STAG1: variants seen among roughly 807,000 people sequenced by gnomAD.
STAG1 encodes cohesin subunit SA-1.
Under a neutral mutation model 170.9 loss-of-function variants are expected in STAG1, and 26 were observed. The ratio of observed to expected loss-of-function variants is 0.15; its 90% confidence interval spans 0.11 to 0.21. The LOEUF (loss-of-function observed/expected upper bound fraction) is 0.21, where lower values mean the gene tolerates loss of function less well. STAG1 is among the 10% of genes least tolerant of loss of function. The probability of loss-of-function intolerance (pLI) is 1.00; values close to 1 mark genes in which losing one functional copy is unlikely to be tolerated. For synonymous variants in STAG1, 514 were observed against 497.7 expected (o/e 1.03, Z -0.44); for missense variants, 964 against 1,509.5 (o/e 0.64, Z 5.99).
intron 9 of STAG1, among the ~76,000 whole-genome samples, chr3:136,489,697 T>A (rs549230055): frequency 6.6e-6 from 1 of 152,298 alleles, no homozygotes; most frequent in Non-Finnish European, 1.5e-5. Flanking sequence ...AATTTTTTGG[T>A]ATGAAATAGC....
intron 1 of STAG1, among the ~76,000 whole-genome samples, chr3:136,667,300 C>T (rs1214998056): frequency 6.6e-6 from 1 of 152,122 alleles, no homozygotes; most frequent in Non-Finnish European, 1.5e-5. Context: ...ATAATTCCAG[C>T]ATTCTGGGTG....
chr3:136,473,760 G>T (rs1029215770), intron 10 of STAG1, 123 bp from the exon 11 acceptor site: 2 of 675,898 alleles, frequency 3.0e-6, no homozygotes, highest in Non-Finnish European at 5.1e-6. Flanking sequence ...ATTCAACATA[G>T]GATGAGACTG....
intron 1 of STAG1, among the ~76,000 whole-genome samples, chr3:136,667,407 T>TAG (rs1414497290): frequency 6.6e-6 from 1 of 152,074 alleles, no homozygotes; most frequent in Non-Finnish European, 1.5e-5. Flanking sequence ...GATAGATAGA[T>TAG]AGATAGACAG....
intron 1 of STAG1, among the ~76,000 whole-genome samples, chr3:136,743,147 G>A (rs1436273309): frequency 6.6e-6 from 1 of 152,048 alleles, no homozygotes; most frequent in Non-Finnish European, 1.5e-5. Flanking sequence ...AGGGTGAACA[G>A]CTTGAGGCCA....
intron 21 of STAG1, among the ~76,000 whole-genome samples, chr3:136,403,485 G>C (rs1226006063): frequency 6.6e-6 from 1 of 151,832 alleles, no homozygotes; most frequent in Non-Finnish European, 1.5e-5. Flanking sequence ...ATGTTCAATG[G>C]TCCTGAGATA....
intron 13 of STAG1, among the ~76,000 whole-genome samples, chr3:136,456,247 C>T (rs1201838690): frequency 2.6e-5 from 4 of 152,016 alleles, no homozygotes; most frequent in Non-Finnish European, 5.9e-5. Context: ...GAATTACATA[C>T]ACACAAAAAA....
At chr3:136,523,699 G>T (rs1018674659) in intron 6 of STAG1, among the ~76,000 whole-genome samples, 4 of 152,142 alleles carry the variant, frequency 2.6e-5, no homozygotes, top group Non-Finnish European at 5.9e-5. Flanking sequence ...TATTGCCTAG[G>T]TTTTCTTCTA....
intron 9 of STAG1, 143 bp from the exon 10 acceptor site, chr3:136,477,555 G>T: frequency 1.6e-6 from 1 of 628,346 alleles, no homozygotes; most frequent in Non-Finnish European, 2.5e-6. Flanking sequence ...AGTATCTTCT[G>T]TTTTTCATGT....
At chr3:136,487,672 T>A (rs1313647046) in intron 9 of STAG1, among the ~76,000 whole-genome samples, 1 of 152,220 alleles carries the variant, frequency 6.6e-6, no homozygotes, top group African/African-American at 2.4e-5. Flanking sequence ...TACATGTGAA[T>A]AATCACAGAC....
chr3:136,542,047 C>A, intron 6 of STAG1, 72 bp downstream of exon 6: 1 of 1,146,412 alleles, frequency 8.7e-7, no homozygotes, highest in South Asian at 1.3e-5. Context: ...CAAAACAAAA[C>A]CTGAGATAAT....
chr3:136,677,795 T>A (rs1942171873), intron 1 of STAG1, among the ~76,000 whole-genome samples: 2 of 151,472 alleles, frequency 1.3e-5, no homozygotes, highest in Non-Finnish European at 2.9e-5. Context: ...ATAAGGTATT[T>A]TGTTATAGCA....
intron 15 of STAG1, 141 bp from the exon 16 acceptor site, chr3:136,433,800 ATT>A: frequency 2.4e-5 from 12 of 503,654 alleles, no homozygotes; most frequent in Non-Finnish European, 2.7e-5. Context: ...GTACTTTGCT[ATT>A]TTTTTTTTTA....
intron 32 of STAG1, among the ~76,000 whole-genome samples, chr3:136,339,159 A>G (rs911848796): frequency 6.6e-6 from 1 of 152,192 alleles, no homozygotes; most frequent in African/African-American, 2.4e-5. Context: ...ACAAAGGAAG[A>G]AGGCAGCCAT....
At chr3:136,604,230 G>T in intron 4 of STAG1, 79 bp downstream of exon 4, 1 of 1,272,508 alleles carries the variant, frequency 7.9e-7, no homozygotes, top group Non-Finnish European at 1.1e-6. Flanking sequence ...TATATAAAGT[G>T]CCAATATACA....
intron 21 of STAG1, among the ~76,000 whole-genome samples, chr3:136,410,676 G>A (rs1477345242): frequency 6.6e-6 from 1 of 152,156 alleles, no homozygotes; most frequent in East Asian, 1.9e-4. Flanking sequence ...AGACTTAAAT[G>A]TAAAAGACTT....
chr3:136,363,488 A>C, intron 25 of STAG1, 21 bp from the exon 26 acceptor site: 1 of 1,148,136 alleles, frequency 8.7e-7, no homozygotes, highest in Non-Finnish European at 1.2e-6. Flanking sequence ...AAGAAAGAAA[A>C]CATGGCTTTA....
At chr3:136,723,909 C>T (rs1199079430) in intron 1 of STAG1, among the ~76,000 whole-genome samples, 1 of 148,752 alleles carries the variant, frequency 6.7e-6, no homozygotes, top group Non-Finnish European at 1.5e-5. Context: ...CCCGGCCAGT[C>T]GCCCCGTCTG....
At chr3:136,439,388 CG>C (rs1222365938) in intron 15 of STAG1, among the ~76,000 whole-genome samples, 2 of 75,236 alleles carry the variant, frequency 2.7e-5, no homozygotes, top group Non-Finnish European at 5.4e-5. Context: ...AAACACCCCC[CG>C]ACACACACAC....
At chr3:136,699,139 G>A (rs1004738701) in intron 1 of STAG1, among the ~76,000 whole-genome samples, 3 of 152,072 alleles carry the variant, frequency 2.0e-5, no homozygotes. Context: ...TGGGTGACAG[G>A]TACAGTAAAA....
Sources: gnomAD v4.1 joint callset for allele counts (sites outside exome capture counted in the v4.1 genomes callset) on GRCh38, gnomAD v4.1.1 for gene constraint, MANE v1.5 for transcripts, NCBI Gene and HGNC (gene_info 2026-07-23, HGNC 2026-07-21) for gene names.